RGS6: variants seen among roughly 807,000 people sequenced by gnomAD.
RGS6 encodes regulator of G protein signaling 6.
Under a neutral mutation model 78.5 loss-of-function variants are expected in RGS6, and 30 were observed. That is an observed-to-expected ratio of 0.38 (90% CI 0.29 to 0.52). RGS6 has a LOEUF of 0.52. RGS6 is among the 20% of genes least tolerant of loss of function. RGS6 has a pLI of 0.85. For missense variants in RGS6, 495 were observed against 609.7 expected, an observed-to-expected ratio of 0.81 and a Z score of 1.98; for synonymous variants, 206 against 206.0, an observed-to-expected ratio of 1.00 and a Z score of 0.00.
rs369990359 is a variant in RGS6 at position 72,477,726 on chromosome 14, G to T, written c.793-542G>T. On this transcript the variant is annotated intron_variant, in intron 11 of 17. Coordinates refer to ENST00000553525, the MANE Select transcript of RGS6 (RefSeq NM_001204424.2). ...ACAGCAGAATCACTTGAATCTGAGA[G>T]GTGGAGGTTGCAGTGAGCTGAGATC... is the stretch of plus-strand genomic sequence containing the variant. Among the ~76,000 whole-genome samples, 5 of 151,812 alleles carry T rather than the reference G, an allele frequency of 3.3e-5. No individual in the cohort carries two copies. In the East Asian group the frequency reaches 7.7e-4, roughly 23 times the overall value.
chr14:72,541,803 T>G (rs536592846), intron 17 of RGS6, among the ~76,000 whole-genome samples: 1 of 152,232 alleles, frequency 6.6e-6, no homozygotes, highest in Non-Finnish European at 1.5e-5. Context: ...GCCTGGTACT[T>G]GGACAAAACG....
chr14:72,426,089 TATA>T (rs1171336824), intron 3 of RGS6, among the ~76,000 whole-genome samples: 1 of 152,120 alleles, frequency 6.6e-6, no homozygotes, highest in Non-Finnish European at 1.5e-5. Context: ...ATAATATAAT[TATA>T]ATATTTATGT....
chr14:72,304,205 A>T (rs1280767387), intron 2 of RGS6, among the ~76,000 whole-genome samples: 2 of 152,144 alleles, frequency 1.3e-5, no homozygotes, highest in Non-Finnish European at 2.9e-5. Flanking sequence ...CCAGGCTGCA[A>T]GTGTATGTGA....
chr14:71,961,710 ATGCT>A (rs1285930663), intron 1 of RGS6, among the ~76,000 whole-genome samples: 1 of 152,116 alleles, frequency 6.6e-6, no homozygotes, highest in African/African-American at 2.4e-5. Context: ...TAATATTAAC[ATGCT>A]TTCTTTCTTT....
the RGS6 span, among the ~76,000 whole-genome samples, chr14:72,575,935 A>T: frequency 6.6e-6 from 1 of 152,196 alleles, no homozygotes; most frequent in African/African-American, 2.4e-5. Flanking sequence ...CGTCCTTCCT[A>T]AACTGCTCCA....
At chr14:72,590,912 C>T in the RGS6 span, among the ~76,000 whole-genome samples, 48 of 152,340 alleles carry the variant, frequency 3.2e-4, no homozygotes, top group African/African-American at 1.1e-3. Flanking sequence ...AACAGGATTG[C>T]TTTTCATCCT....
intron 2 of RGS6, among the ~76,000 whole-genome samples, chr14:72,038,281 G>C (rs540649443): frequency 2.0e-5 from 3 of 152,240 alleles, no homozygotes; most frequent in African/African-American, 7.2e-5. Flanking sequence ...ATGCTATCTT[G>C]ATCTCAATTA....
intron 2 of RGS6, among the ~76,000 whole-genome samples, chr14:71,996,566 A>G (rs72735955): frequency 0.15 from 22,399 of 152,104 alleles, 1,826 homozygotes; most frequent in East Asian, 0.21. Context: ...GGGGATCATC[A>G]GACTTGTCAT....
chr14:71,967,156 A>G (rs1388290234), intron 2 of RGS6, among the ~76,000 whole-genome samples: 1 of 150,270 alleles, frequency 6.7e-6, no homozygotes, highest in African/African-American at 2.5e-5. Context: ...ATGAAACTAT[A>G]TCTTACTTTC....
chr14:71,965,343 TAG>T (rs2093446235), intron 2 of RGS6, among the ~76,000 whole-genome samples: 1 of 152,212 alleles, frequency 6.6e-6, no homozygotes, highest in African/African-American at 2.4e-5. Context: ...GATGTGCAAG[TAG>T]AGTGTTACAT....
chr14:72,116,020 C>G (rs1323550636), intron 2 of RGS6, among the ~76,000 whole-genome samples: 1 of 152,200 alleles, frequency 6.6e-6, no homozygotes, highest in Non-Finnish European at 1.5e-5. Context: ...AATCTTTAAA[C>G]TCCTGAATTT....
intron 2 of RGS6, among the ~76,000 whole-genome samples, chr14:72,108,804 T>G (rs1025457724): frequency 1.6e-4 from 25 of 152,262 alleles, no homozygotes; most frequent in African/African-American, 5.5e-4. Context: ...CTAGCGTGTT[T>G]TCTTAGTGTC....
At chr14:72,205,050 A>G (rs1033220328) in intron 2 of RGS6, among the ~76,000 whole-genome samples, 2 of 152,216 alleles carry the variant, frequency 1.3e-5, no homozygotes, top group Non-Finnish European at 2.9e-5. Context: ...GATAGAGGGC[A>G]GAGCAGAGGC....
At chr14:72,415,157 G>A (rs2093708090) in intron 3 of RGS6, among the ~76,000 whole-genome samples, 1 of 152,256 alleles carries the variant, frequency 6.6e-6, no homozygotes, top group Admixed American at 6.5e-5. Context: ...GCAGAGGCAG[G>A]CAGGCCTCCT....
chr14:72,105,781 A>C (rs1355166525), intron 2 of RGS6, among the ~76,000 whole-genome samples: 1 of 152,210 alleles, frequency 6.6e-6, no homozygotes, highest in Non-Finnish European at 1.5e-5. Context: ...TCCTTTCTAA[A>C]TAGTTCCATA....
chr14:72,358,322 C>T (rs1239900963), intron 3 of RGS6, among the ~76,000 whole-genome samples: 3 of 152,230 alleles, frequency 2.0e-5, no homozygotes, highest in South Asian at 2.1e-4. Context: ...AAGAGGGCCA[C>T]TGTCCTCCAG....
the RGS6 span, among the ~76,000 whole-genome samples, chr14:71,875,526 C>A: frequency 6.6e-6 from 1 of 151,878 alleles, no homozygotes; most frequent in African/African-American, 2.4e-5. Context: ...CTATTTGATT[C>A]TTCTCTCTTT....
At chr14:72,152,143 A>C (rs963923736) in intron 2 of RGS6, among the ~76,000 whole-genome samples, 2 of 152,222 alleles carry the variant, frequency 1.3e-5, no homozygotes, top group South Asian at 4.2e-4. Flanking sequence ...AAACTGTAGA[A>C]GAAGAGTTGG....
At chr14:72,242,560 T>C (rs1201629513) in intron 2 of RGS6, among the ~76,000 whole-genome samples, 1 of 152,186 alleles carries the variant, frequency 6.6e-6, no homozygotes, top group Non-Finnish European at 1.5e-5. Flanking sequence ...ATGAAATGTA[T>C]TGAATATTAG....
Sources: allele counts gnomAD v4.1 joint callset (sites outside exome capture counted in the v4.1 genomes callset), GRCh38; gene constraint gnomAD v4.1.1; transcripts MANE v1.5; gene names NCBI Gene and HGNC (gene_info 2026-07-23, HGNC 2026-07-21).